Variants in HTR4 observed in about 807,000 individuals in gnomAD.
The protein encoded by HTR4 is 5-hydroxytryptamine (serotonin) receptor 4, G protein-coupled.
A neutral mutation model predicts 36.8 loss-of-function variants in HTR4; 16 were observed. The ratio of observed to expected loss-of-function variants is 0.43; its 90% CI spans 0.29 to 0.66. The LOEUF (loss-of-function observed/expected upper bound fraction) is 0.66. Among genes scored for constraint, HTR4 ranks in the 30% least tolerant of loss-of-function variants. The pLI is 0.13. For missense variants in HTR4, 438 were observed against 490.9 expected, an observed-to-expected ratio of 0.89 and a Z score of 1.02; for synonymous variants, 189 against 185.1, an observed-to-expected ratio of 1.02 and a Z score of -0.17.
intron 2 of HTR4, among the ~76,000 whole-genome samples, chr5:148,599,851 G>A (rs957376131): frequency 6.6e-6 from 1 of 151,834 alleles, no homozygotes; most frequent in African/African-American, 2.4e-5. Context: ...AGCATTGTCT[G>A]AGAAATGGTA....
At chr5:148,634,553 T>C (rs72837416) in intron 2 of HTR4, among the ~76,000 whole-genome samples, 1 of 152,322 alleles carries the variant, frequency 6.6e-6, no homozygotes, top group East Asian at 1.9e-4. Flanking sequence ...TTATAGCCCA[T>C]GCTGAGCTCA....
At chr5:148,527,115 C>T (rs528408077) in intron 4 of HTR4, among the ~76,000 whole-genome samples, 11 of 152,134 alleles carry the variant, frequency 7.2e-5, no homozygotes, top group Non-Finnish European at 1.5e-4. Context: ...ACATTGTATG[C>T]TTGTATCAAA....
chr5:148,577,102 A>G (rs546760166), intron 2 of HTR4, among the ~76,000 whole-genome samples: 2 of 152,262 alleles, frequency 1.3e-5, no homozygotes, highest in East Asian at 3.9e-4. Flanking sequence ...TCCAACATTT[A>G]AAAGGAACTT....
chr5:148,471,195 T>TTC (rs1239051267), intron 5 of HTR4, among the ~76,000 whole-genome samples: 1 of 152,174 alleles, frequency 6.6e-6, no homozygotes, highest in African/African-American at 2.4e-5. Flanking sequence ...ATACTGTACT[T>TTC]TCTCCAGTCA....
chr5:148,533,016 G>A (rs762759577), intron 4 of HTR4, among the ~76,000 whole-genome samples: 4 of 152,170 alleles, frequency 2.6e-5, no homozygotes, highest in Admixed American at 6.5e-5. Flanking sequence ...TTTTAAGCTG[G>A]AAAACGTCCA....
chr5:148,535,779 G>C lies in HTR4; in HGVS notation c.354-12433C>G, dbSNP rs193035135. Among the ~76,000 whole-genome samples, 5 of 152,260 alleles carry C rather than the reference G, an allele frequency of 3.3e-5. No individual in the cohort carries two copies. The East Asian group carries it at 7.7e-4, about 24-fold the overall frequency. The stretch of plus-strand genomic sequence containing the variant: ...ACAAATCACTGGCATCCCTGAAAGG[G>C]ATGGGGAGAAAGCAAACAACTTGGA... On this transcript the variant is annotated intron_variant, in intron 4 of 6. Transcript: ENST00000377888.
intron 2 of HTR4, among the ~76,000 whole-genome samples, chr5:148,627,870 G>A (rs1753176955): frequency 6.6e-6 from 1 of 152,182 alleles, no homozygotes; most frequent in Non-Finnish European, 1.5e-5. Context: ...GTCATAATAT[G>A]GTTCTACAAA....
chr5:148,592,563 A>G (rs1761616444), intron 2 of HTR4, among the ~76,000 whole-genome samples: 1 of 152,068 alleles, frequency 6.6e-6, no homozygotes, highest in South Asian at 2.1e-4. Flanking sequence ...TTTGTCTTCT[A>G]TGTCTTTGAT....
intron 5 of HTR4, among the ~76,000 whole-genome samples, chr5:148,512,658 C>T (rs1049734256): frequency 1.8e-4 from 27 of 152,062 alleles, no homozygotes; most frequent in African/African-American, 6.5e-4. Flanking sequence ...TGGCCGGGCG[C>T]GGTGACTTAC....
chr5:148,649,827 G>A (rs536641966), intron 1 of HTR4, among the ~76,000 whole-genome samples: 1 of 152,208 alleles, frequency 6.6e-6, no homozygotes, highest in East Asian at 1.9e-4. Context: ...CTTAAAATCA[G>A]ATATATTTTC....
chr5:148,519,785 C>T lies in HTR4; in HGVS notation c.507+3408G>A, dbSNP rs60387113. ...AACAAGTGTCCTTTTTGCTATTTGC[C>T]GGCACATATTTTGCATTGTGTGCTT... On this transcript the variant is annotated intron_variant, in intron 5 of 6. Transcript: ENST00000377888. Among the ~76,000 whole-genome samples the T allele has an allele frequency of 1.3e-3, 191 of 152,152 alleles. 3 individuals are homozygous for T. Among genetic ancestry groups the T allele is most frequent in the African/African-American group, 4.4e-3 (181 of 41,508 alleles).
At chr5:148,508,696 T>A (rs763690487) in intron 6 of HTR4, among the ~76,000 whole-genome samples, 11 of 152,194 alleles carry the variant, frequency 7.2e-5, no homozygotes, top group Non-Finnish European at 1.6e-4. Context: ...ATCCATTATA[T>A]CACATGGTAT....
intron 2 of HTR4, among the ~76,000 whole-genome samples, chr5:148,594,410 T>A (rs945144562): frequency 2.0e-5 from 3 of 151,972 alleles, no homozygotes; most frequent in African/African-American, 7.3e-5. Flanking sequence ...ACAGTAAGTG[T>A]AATTCATTGG....
intron 5 of HTR4, among the ~76,000 whole-genome samples, chr5:148,463,399 C>CTCCAT (rs559048574): frequency 1.5e-3 from 229 of 151,684 alleles, no homozygotes; most frequent in African/African-American, 5.3e-3. Context: ...CCAGGATGGT[C>CTCCAT]TCCATCTCCT....
At chr5:148,512,920 G>A (rs894850249) in intron 5 of HTR4, among the ~76,000 whole-genome samples, 1 of 152,024 alleles carries the variant, frequency 6.6e-6, no homozygotes, top group African/African-American at 2.4e-5. Context: ...GACAGAGTGA[G>A]ACTCAGTCTC....
intron 6 of HTR4, among the ~76,000 whole-genome samples, chr5:148,504,525 C>T (rs922451045): frequency 6.6e-6 from 1 of 152,036 alleles, no homozygotes; most frequent in Non-Finnish European, 1.5e-5. Context: ...GCACTAAATG[C>T]CCACAAGAGA....
chr5:148,517,731 G>A (rs1007613434), intron 5 of HTR4, among the ~76,000 whole-genome samples: 6 of 151,750 alleles, frequency 4.0e-5, no homozygotes, highest in Non-Finnish European at 7.4e-5. Flanking sequence ...GAGTACCATT[G>A]TCTCTCACCT....
chr5:148,582,150 T>C (rs1268560184), intron 2 of HTR4, among the ~76,000 whole-genome samples: 1 of 152,118 alleles, frequency 6.6e-6, no homozygotes, highest in Non-Finnish European at 1.5e-5. Flanking sequence ...AGAATAGATA[T>C]GCAACTCACT....
chr5:148,653,345 C>T (rs1440999789), intron 1 of HTR4, among the ~76,000 whole-genome samples: 1 of 152,210 alleles, frequency 6.6e-6, no homozygotes, highest in African/African-American at 2.4e-5. Flanking sequence ...TTTTTGACCT[C>T]TGCCAGCTGC....
Sources: allele counts gnomAD v4.1 joint callset (sites outside exome capture counted in the v4.1 genomes callset), GRCh38; gene constraint gnomAD v4.1.1; transcripts MANE v1.5; gene names NCBI Gene and HGNC (gene_info 2026-07-23, HGNC 2026-07-21).